Variants in LIPH observed in about 807,000 individuals in gnomAD.
The protein encoded by LIPH is lipase H, also known as lipase member H.
LIPH carries 32 observed loss-of-function variants against 47.6 expected under a neutral mutation model. That is an observed-to-expected ratio of 0.67 (90% CI 0.51 to 0.90). LIPH has a LOEUF of 0.90. LIPH is among the 40% of genes least tolerant of loss of function. The pLI, the probability that LIPH is intolerant of heterozygous loss-of-function variation, is 0.00. For synonymous variants in LIPH, 190 were observed against 195.6 expected, an observed-to-expected ratio of 0.97 and a Z score of 0.24; for missense variants, 497 against 541.4, an observed-to-expected ratio of 0.92 and a Z score of 0.81.
intron 1 of LIPH, among the ~76,000 whole-genome samples, chr3:185,540,788 A>G (rs1720679551): frequency 6.6e-6 from 1 of 152,092 alleles, no homozygotes; most frequent in African/African-American, 2.4e-5. Context: ...TGTGACCTCT[A>G]TGCCAGAAGT....
intron 1 of LIPH, among the ~76,000 whole-genome samples, chr3:185,543,368 A>G (rs1354583112): frequency 6.6e-6 from 1 of 152,264 alleles, no homozygotes; most frequent in Non-Finnish European, 1.5e-5. Context: ...GCTGTTGGCC[A>G]TAAGTCCAAT....
intron 6 of LIPH, among the ~76,000 whole-genome samples, chr3:185,517,601 ATGAC>A (rs1238803442): frequency 6.6e-6 from 1 of 152,204 alleles, no homozygotes; most frequent in Non-Finnish European, 1.5e-5. Flanking sequence ...GGCTTGCCAC[ATGAC>A]TGACTGTGTC....
At chr3:185,509,457 T>C (rs1388527938) in intron 9 of LIPH, among the ~76,000 whole-genome samples, 8 of 151,684 alleles carry the variant, frequency 5.3e-5, no homozygotes, top group Admixed American at 4.6e-4. Flanking sequence ...GGTGAAACAC[T>C]GTCTCTACTA....
At chr3:185,510,769 G>C (rs13342947) in intron 9 of LIPH, among the ~76,000 whole-genome samples, 63,665 of 151,996 alleles carry the variant, frequency 0.42, 13,523 homozygotes, top group Middle Eastern at 0.47. Context: ...AATTAGCTGG[G>C]TGTGGTGGAC....
intron 1 of LIPH, among the ~76,000 whole-genome samples, chr3:185,546,628 T>A (rs1720882609): frequency 6.6e-6 from 1 of 152,160 alleles, no homozygotes; most frequent in South Asian, 2.1e-4. Context: ...GGTGAGACCC[T>A]GTCTCTAGAA....
rs77674770 is a variant in LIPH, at chr3:185,531,760, C to A, written c.526+1811G>T. Among the ~76,000 whole-genome samples the A allele has an allele frequency of 1.6e-4, 24 of 152,132 alleles. No homozygotes were observed. In the East Asian group the frequency reaches 4.6e-3, roughly 29 times the overall value. On this transcript the variant is annotated intron_variant, in intron 3 of 9. Transcript: ENST00000296252. ...AAATAGATGGCTCCTGAATCTAAAT[C>A]CAGAACATTCTGAGATTATTGTGGA...
intron 1 of LIPH, among the ~76,000 whole-genome samples, chr3:185,551,713 T>C (rs1721053475): frequency 6.6e-6 from 1 of 152,138 alleles, no homozygotes; most frequent in Non-Finnish European, 1.5e-5. Flanking sequence ...ATATAACATA[T>C]TTACCCTTTG....
rs202071682 is a variant in LIPH at position 185,534,984 on chromosome 3, A to C, written c.198T>G (p.Asn66Lys). 1 of 1,613,918 alleles carries C rather than the reference A, an allele frequency of 6.2e-7. No individual in the cohort carries two copies. The highest frequency in any genetic ancestry group is 1.3e-5 in the African/African-American group (1 of 75,032). The change falls in exon 2 of 10, where the codon AAT becomes AAG. Residue 66 changes from asparagine to lysine, a missense_variant. Physicochemically the swap from Asn to Lys is moderately conservative, Grantham distance 94. Coordinates refer to ENST00000296252, the MANE Select transcript of LIPH (RefSeq NM_139248.3). Reference protein sequence around the residue: ...TINSSAFGNLNVTKKTTFIVH... With the variant: ...TINSSAFGNLKVTKKTTFIVH... ...CAATGAAGGTGGTTTTCTTGGTCAC[A>C]TTCAAGTTCCCAAAAGCTGAGGAGT...
chr3:185,539,812 C>T (rs1334376272), intron 1 of LIPH, among the ~76,000 whole-genome samples: 2 of 152,182 alleles, frequency 1.3e-5, no homozygotes, highest in Non-Finnish European at 2.9e-5. Flanking sequence ...ATAGAAGTGC[C>T]TAAGACCTGC....
chr3:185,528,781 T>C (rs1045968498), intron 3 of LIPH, among the ~76,000 whole-genome samples: 3 of 152,138 alleles, frequency 2.0e-5, no homozygotes, highest in African/African-American at 4.8e-5. Context: ...TCAATGTTAT[T>C]TGGGTGTTCC....
chr3:185,545,399 G>C (rs1368901769), intron 1 of LIPH, among the ~76,000 whole-genome samples: 1 of 152,210 alleles, frequency 6.6e-6, no homozygotes, highest in Non-Finnish European at 1.5e-5. Flanking sequence ...TTGTGCCTGA[G>C]ATGTTTTCTT....
intron 1 of LIPH, 98 bp from the exon 2 acceptor site, chr3:185,535,230 C>A: frequency 7.3e-7 from 1 of 1,365,410 alleles, no homozygotes; most frequent in Admixed American, 1.7e-5. Context: ...TTCTTATGTT[C>A]CTGATAGGAC....
chr3:185,552,309 A>C lies in LIPH; in HGVS notation c.49+114T>G, dbSNP rs527459002. ...GCTTCCTATATCTTTTTCCTTAAAA[A>C]CGACTCTATGGACTTAAGTTCACCG... On this transcript the variant is annotated intron_variant, in intron 1 of 9. Transcript: ENST00000296252. 7.1e-6 allele frequency: 5 copies of C among 708,532 alleles called. No individual in the cohort carries two copies. The East Asian group carries it at 1.3e-4, about 19-fold the overall frequency. 43.9% of individuals were successfully genotyped at this position (708,532 alleles called of 1,614,324 possible).
intron 5 of LIPH, among the ~76,000 whole-genome samples, chr3:185,522,277 C>T (rs1719915804): frequency 1.3e-5 from 2 of 152,190 alleles, no homozygotes; most frequent in Non-Finnish European, 2.9e-5. Flanking sequence ...TACCCAGCAA[C>T]CTCCACATGG....
At chr3:185,527,648 G>T in intron 3 of LIPH, 63 bp from the exon 4 acceptor site, 1 of 1,037,814 alleles carries the variant, frequency 9.6e-7, no homozygotes, top group Non-Finnish European at 1.5e-6. Flanking sequence ...CCGGGCCTTT[G>T]ATCCTTCTGG....
intron 1 of LIPH, among the ~76,000 whole-genome samples, chr3:185,536,479 A>C (rs1045539625): frequency 5.9e-5 from 9 of 152,256 alleles, no homozygotes; most frequent in Admixed American, 3.3e-4. Context: ...GTTCTCAATG[A>C]ATCTTCATTT....
chr3:185,537,562 G>A (rs960358935), intron 1 of LIPH, among the ~76,000 whole-genome samples: 1 of 152,106 alleles, frequency 6.6e-6, no homozygotes, highest in Admixed American at 6.6e-5. Flanking sequence ...TGTGTAATTA[G>A]TCATCTTCTT....
chr3:185,521,702 T>C (rs1719902921), intron 5 of LIPH, among the ~76,000 whole-genome samples: 1 of 152,190 alleles, frequency 6.6e-6, no homozygotes, highest in African/African-American at 2.4e-5. Flanking sequence ...TTCCAAAAAG[T>C]CCAGTAGTTC....
intron 9 of LIPH, among the ~76,000 whole-genome samples, chr3:185,509,590 A>G (rs1306545824): frequency 6.6e-6 from 1 of 151,916 alleles, no homozygotes; most frequent in African/African-American, 2.4e-5. Context: ...AGAACGCGCT[A>G]CTACTGTACT....
Sources: gnomAD v4.1 joint callset for allele counts (sites outside exome capture counted in the v4.1 genomes callset) on GRCh38, gnomAD v4.1.1 for gene constraint, MANE v1.5 for transcripts, NCBI Gene and HGNC (gene_info 2026-07-23, HGNC 2026-07-21) for gene names.